Variants in CLSTN2 observed in about 807,000 individuals in gnomAD.
The protein encoded by CLSTN2 is calsyntenin 2.
Under a neutral mutation model 101.2 loss-of-function variants are expected in CLSTN2, and 48 were observed. The ratio of observed to expected loss-of-function variants is 0.47; its 90% confidence interval spans 0.38 to 0.60. The LOEUF is 0.60. Among genes scored for constraint, CLSTN2 ranks in the 20% least tolerant of loss-of-function variants. The probability of loss-of-function intolerance (pLI) is 0.00; values close to 1 mark genes in which losing one functional copy is unlikely to be tolerated. For synonymous variants in CLSTN2, 481 were observed against 463.6 expected (o/e 1.04, Z -0.48); for missense variants, 1,160 against 1,238.2 (o/e 0.94, Z 0.95).
At chr3:139,941,874 A>T (rs955535210) in intron 1 of CLSTN2, among the ~76,000 whole-genome samples, 4 of 152,236 alleles carry the variant, frequency 2.6e-5, no homozygotes, top group Non-Finnish European at 4.4e-5. Context: ...ATCTTGAAGC[A>T]CTTCACATAT....
At chr3:140,048,056 G>T (rs531295139) in intron 1 of CLSTN2, among the ~76,000 whole-genome samples, 177 of 152,274 alleles carry the variant, frequency 1.2e-3, no homozygotes, top group Middle Eastern at 3.4e-3. Context: ...GAAGAATATT[G>T]TTCCCATATG....
chr3:140,010,443 T>C (rs546136678), intron 1 of CLSTN2, among the ~76,000 whole-genome samples: 1 of 152,330 alleles, frequency 6.6e-6, no homozygotes, highest in South Asian at 2.1e-4. Context: ...GCCTGCCTTG[T>C]TGTCTGGCAG....
chr3:140,499,237 T>G (rs1233684683), intron 8 of CLSTN2, among the ~76,000 whole-genome samples: 1 of 152,194 alleles, frequency 6.6e-6, no homozygotes, highest in Non-Finnish European at 1.5e-5. Flanking sequence ...ACAGAGTTTG[T>G]CATCTGAAGA....
At position 140,438,431 on chromosome 3, in the gene CLSTN2, T is replaced by TAAAAAAAAAAA. The variant is rs60186664; in HGVS notation, c.788-10076_788-10066dup. On this transcript the variant is annotated intron_variant, in intron 5 of 16. Transcript: ENST00000458420. ...CCACCTAGGAAAATGGTCCTTTCATTAAAAAAAAAAAAAAAAAAAAAAGCT... is the reference window on the plus strand; with the variant it reads ...CCACCTAGGAAAATGGTCCTTTCATTAAAAAAAAAAAAAAAAAAAAAAAAAAAAAAAAAGCT... 7.9e-4 allele frequency among the ~76,000 whole-genome samples: 36 copies of TAAAAAAAAAAA among 45,674 alleles called. 9 individuals carry two copies. Among genetic ancestry groups the TAAAAAAAAAAA allele is most frequent in the Admixed American group, 3.1e-3 (7 of 2,292 alleles). The allele number at this position is 45,674 out of a possible 152,430, so 30.0% of individuals were successfully genotyped here.
chr3:140,497,249 G>C (rs1934486400), intron 8 of CLSTN2, among the ~76,000 whole-genome samples: 1 of 152,122 alleles, frequency 6.6e-6, no homozygotes, highest in African/African-American at 2.4e-5. Flanking sequence ...CAGAGATGTT[G>C]GCCACCCTTC....
Position 140,562,917 on chromosome 3 carries a change from A to T in CLSTN2, c.2319A>T (p.Glu773Asp). 3 of 1,614,062 alleles carry T rather than the reference A, an allele frequency of 1.9e-6. No individual in the cohort carries two copies. Among genetic ancestry groups the T allele is most frequent in the Non-Finnish European group, 2.5e-6 (3 of 1,180,012 alleles). The change falls in exon 14 of 17, where the codon GAA (glutamate) becomes GAT (aspartate). Residue 773 changes from glutamate to aspartate, a missense_variant. Coordinates refer to ENST00000458420, the MANE Select transcript of CLSTN2 (RefSeq NM_022131.3). The stretch of plus-strand genomic sequence containing the variant: ...GGCGTTTCCGGATTAAGTGCTCAGA[A>T]CTCAATGGGCGCTACACTAGCAATG... ...EARRFRIKCS[E>D]LNGRYTSNEF...
chr3:140,473,318 G>A (rs1349781828), intron 8 of CLSTN2, among the ~76,000 whole-genome samples: 2 of 152,146 alleles, frequency 1.3e-5, no homozygotes, highest in African/African-American at 4.8e-5. Context: ...GGTGCCTGTG[G>A]CAGACGAAAT....
chr3:140,240,469 A>T (rs4632509), intron 2 of CLSTN2, among the ~76,000 whole-genome samples: 2 of 151,848 alleles, frequency 1.3e-5, no homozygotes, highest in African/African-American at 4.8e-5. Context: ...TTTGCCAGCT[A>T]TGTGAACTTT....
chr3:140,317,568 C>T (rs2087241509), intron 2 of CLSTN2, among the ~76,000 whole-genome samples: 1 of 152,164 alleles, frequency 6.6e-6, no homozygotes, highest in Non-Finnish European at 1.5e-5. Context: ...TCACCAACCT[C>T]TCCAGACTTT....
chr3:140,121,882 C>G (rs560041363), intron 1 of CLSTN2, among the ~76,000 whole-genome samples: 1 of 152,298 alleles, frequency 6.6e-6, no homozygotes, highest in Non-Finnish European at 1.5e-5. Flanking sequence ...AACACAGGAA[C>G]AGGCAAACAC....
At chr3:140,100,797 G>A (rs1174697614) in intron 1 of CLSTN2, among the ~76,000 whole-genome samples, 1 of 152,244 alleles carries the variant, frequency 6.6e-6, no homozygotes, top group Non-Finnish European at 1.5e-5. Flanking sequence ...CTGCTGTAGA[G>A]TGTTGGCAAG....
At chr3:140,077,059 A>G (rs1026323051) in intron 1 of CLSTN2, among the ~76,000 whole-genome samples, 9 of 152,224 alleles carry the variant, frequency 5.9e-5, no homozygotes, top group Middle Eastern at 3.2e-3. Context: ...AAGGACGACT[A>G]GCTCTAAGAT....
chr3:140,030,136 G>C (rs747831385), intron 1 of CLSTN2, among the ~76,000 whole-genome samples: 1 of 152,130 alleles, frequency 6.6e-6, no homozygotes, highest in African/African-American at 2.4e-5. Context: ...ACAGCAACAG[G>C]ACCACAGAGA....
At chr3:140,089,831 C>T (rs1407996514) in intron 1 of CLSTN2, among the ~76,000 whole-genome samples, 1 of 151,662 alleles carries the variant, frequency 6.6e-6, no homozygotes, top group African/African-American at 2.4e-5. Flanking sequence ...AGGCTAGTCT[C>T]AAACTCCTGG....
At chr3:139,988,381 A>C (rs1271352310) in intron 1 of CLSTN2, among the ~76,000 whole-genome samples, 1 of 152,332 alleles carries the variant, frequency 6.6e-6, no homozygotes, top group Middle Eastern at 3.4e-3. Flanking sequence ...TGACAGCACA[A>C]CACCAACATA....
chr3:140,050,115 G>A (rs1441771614), intron 1 of CLSTN2, among the ~76,000 whole-genome samples: 1 of 152,204 alleles, frequency 6.6e-6, no homozygotes, highest in African/African-American at 2.4e-5. Flanking sequence ...CTTACACAGT[G>A]CCTGGCACAC....
intron 1 of CLSTN2, among the ~76,000 whole-genome samples, chr3:140,088,329 C>G (rs373508479): frequency 2.0e-5 from 3 of 152,302 alleles, no homozygotes; most frequent in African/African-American, 2.4e-5. Context: ...GAGTTCCAGA[C>G]AGTTTGTAAT....
chr3:140,524,877 C>A (rs143974464), intron 8 of CLSTN2, among the ~76,000 whole-genome samples: 34 of 152,228 alleles, frequency 2.2e-4, no homozygotes, highest in African/African-American at 7.5e-4. Flanking sequence ...AGGCAGAAAT[C>A]AAAAAATTCC....
chr3:140,514,833 C>T (rs2107770045), intron 8 of CLSTN2, among the ~76,000 whole-genome samples: 1 of 152,164 alleles, frequency 6.6e-6, no homozygotes, highest in South Asian at 2.1e-4. Context: ...GCCATTCTTG[C>T]AGAAGTAAGG....
Sources: allele counts gnomAD v4.1 joint callset (sites outside exome capture counted in the v4.1 genomes callset), GRCh38; gene constraint gnomAD v4.1.1; transcripts MANE v1.5; gene names NCBI Gene and HGNC (gene_info 2026-07-23, HGNC 2026-07-21).